Variants in RPL37 observed in about 807,000 individuals in gnomAD.
RPL37 encodes large ribosomal subunit protein eL37.
A neutral mutation model predicts 14.8 loss-of-function variants in RPL37; 1 was observed. The ratio of observed to expected loss-of-function variants is 0.07; its 90% confidence interval spans 0.02 to 0.32. The LOEUF is 0.32. Ranked by LOEUF, RPL37 falls within the 10% of genes least tolerant of loss-of-function variation. RPL37 has a pLI of 1.00. For synonymous variants in RPL37, 53 were observed against 45.8 expected (o/e 1.16, Z -0.63); for missense variants, 100 against 128.3 (o/e 0.78, Z 1.06).
At chr5:40,834,422 T>A (rs969625942) in intron 2 of RPL37, 49 bp downstream of exon 2, 1 of 1,601,716 alleles carries the variant, frequency 6.2e-7, no homozygotes, top group African/African-American at 1.3e-5. Flanking sequence ...CCCACTTAAG[T>A]GCAATACAAA....
At position 40,826,342 on chromosome 5, in the gene RPL37, T is replaced by A. The variant is rs889890862; in HGVS notation, c.*6162A>T. 2 of 152,072 alleles carry A rather than the reference T, an allele frequency of 1.3e-5. No homozygotes were observed. Among genetic ancestry groups the A allele is most frequent in the African/African-American group, 4.8e-5 (2 of 41,338 alleles). The allele number at this position is 152,072 out of a possible 1,614,324, so 9.4% of individuals were successfully genotyped here. A position where few individuals can be genotyped will look rare whatever the true frequency, so the allele number is the denominator to read the frequency against. Reference sequence around the variant, plus strand: ...GAACGTGGTCAGTTTTCAGTTTTTATCATTATTTATTATTTTATTTTTTAT... The same window carrying A: ...GAACGTGGTCAGTTTTCAGTTTTTAACATTATTTATTATTTTATTTTTTAT... On this transcript the variant is annotated 3_prime_UTR_variant, in exon 4 of 4. Coordinates refer to ENST00000274242, the MANE Select transcript of RPL37 (RefSeq NM_000997.5).
chr5:40,834,737 C>T, intron 1 of RPL37, 131 bp from the exon 2 acceptor site: 6 of 1,020,026 alleles, frequency 5.9e-6, no homozygotes, highest in Non-Finnish European at 7.1e-6. Context: ...AAGCCTCTTT[C>T]CACGAATGCC....
chr5:40,835,157 T>A, intron 1 of RPL37, 26 bp downstream of exon 1: 1 of 1,614,048 alleles, frequency 6.2e-7, no homozygotes, highest in East Asian at 2.2e-5. Context: ...GGAACGCGAT[T>A]CACAAACACC....
chr5:40,827,583 T>TA lies in RPL37; in HGVS notation c.*4920dup, dbSNP rs1388222656. 6.6e-6 allele frequency: 1 copy of TA among 152,168 alleles called. No homozygotes were observed. The highest frequency in any genetic ancestry group is 1.5e-5 in the Non-Finnish European group (1 of 68,018). The allele number at this position is 152,168 out of a possible 1,614,324, so 9.4% of individuals were successfully genotyped here. On this transcript the variant is annotated 3_prime_UTR_variant, in exon 4 of 4. Coordinates refer to ENST00000274242, the MANE Select transcript of RPL37 (RefSeq NM_000997.5). ...CTCCCACCGTATAAAGACACAAACA[T>TA]AAAAGCAATGTTTTGATCTGAATCC...
Position 40,832,350 on chromosome 5 carries a change from T to G in RPL37, c.*154A>C, listed in dbSNP as rs1745659653. The G allele has an allele frequency of 2.8e-6, 2 of 725,730 alleles. No homozygotes were observed. The highest frequency in any genetic ancestry group is 2.6e-5 in the East Asian group (1 of 39,138). The allele number at this position is 725,730 out of a possible 1,614,324, so 45.0% of individuals were successfully genotyped here. A position where few individuals can be genotyped will look rare whatever the true frequency, so the allele number is the denominator to read the frequency against. ...AAAGTAAACATTCCAAAACAGTCAC[T>G]TAACAAGTAAATCTGATATGAAGCT... is the stretch of plus-strand genomic sequence containing the variant. On this transcript the variant is annotated 3_prime_UTR_variant, in exon 4 of 4. Transcript: ENST00000274242.
In RPL37 at chr5:40,831,040, G is replaced by A. The variant is rs997031181; in HGVS notation, c.*1464C>T. ...GGCGGCGGATCACGAGGTCGAGTTC[G>A]AGACCAGCCTGGTCAACATGTTGAA... On this transcript the variant is annotated 3_prime_UTR_variant, in exon 4 of 4. Coordinates refer to ENST00000274242, the MANE Select transcript of RPL37 (RefSeq NM_000997.5). The A allele has an allele frequency of 1.3e-5, 2 of 151,854 alleles. No individual in the cohort carries two copies. Among genetic ancestry groups the A allele is most frequent in the Admixed American group, 6.6e-5 (1 of 15,244 alleles). 9.4% of individuals were successfully genotyped at this position (151,854 alleles called of 1,614,324 possible). A position where few individuals can be genotyped will look rare whatever the true frequency, so the allele number is the denominator to read the frequency against.
intron 1 of RPL37, 93 bp downstream of exon 1, chr5:40,835,090 C>T (rs911820799): frequency 3.9e-5 from 62 of 1,569,624 alleles, no homozygotes; most frequent in Non-Finnish European, 5.3e-5. Flanking sequence ...TTCCCCTTAT[C>T]CGGAATCTTG....
rs1331466204 is a variant in RPL37, at chr5:40,829,908, CACGTGAACTGCCCACCTT to C, written c.*2578_*2595del. ...CAGGCTGGTCTCGAACTCCCCACCT[CACGTGAACTGCCCACCTT>C]GGCCTCCCAAAGTGCTGCGACTATA... On this transcript the variant is annotated 3_prime_UTR_variant, in exon 4 of 4. Transcript: ENST00000274242. The C allele has an allele frequency of 6.6e-6, 1 of 152,156 alleles. No individual in the cohort carries two copies. The highest frequency in any genetic ancestry group is 6.6e-5 in the Admixed American group (1 of 15,266). 9.4% of individuals were successfully genotyped at this position (152,156 alleles called of 1,614,324 possible). A position where few individuals can be genotyped will look rare whatever the true frequency, so the allele number is the denominator to read the frequency against.
chr5:40,833,246 A>G (rs1466621136), intron 3 of RPL37, among the ~76,000 whole-genome samples: 1 of 152,152 alleles, frequency 6.6e-6, no homozygotes, highest in Non-Finnish European at 1.5e-5. Flanking sequence ...CCGGAGACTG[A>G]GTGGGTAGAG....
In RPL37 at chr5:40,831,292, C is replaced by T. The variant is rs1335583444; in HGVS notation, c.*1212G>A. Reference sequence around the variant, plus strand: ...CAAGAAAGGCAATGGCAATTGGACTCTAACCATACATCTTTAAAGTATAGT... The same window carrying T: ...CAAGAAAGGCAATGGCAATTGGACTTTAACCATACATCTTTAAAGTATAGT... On this transcript the variant is annotated 3_prime_UTR_variant, in exon 4 of 4. Transcript: ENST00000274242. 2 of 152,324 alleles carry T rather than the reference C, an allele frequency of 1.3e-5. No homozygotes were observed. Among genetic ancestry groups the T allele is most frequent in the Non-Finnish European group, 1.5e-5 (1 of 68,046 alleles). 9.4% of individuals were successfully genotyped at this position (152,324 alleles called of 1,614,324 possible).
intron 1 of RPL37, 64 bp from the exon 2 acceptor site, chr5:40,834,670 G>A (rs76811545): frequency 0.018 from 28,005 of 1,515,232 alleles, 349 homozygotes; most frequent in South Asian, 0.034. Context: ...CGAGTTCTCC[G>A]GGAAACCAAT....
rs780838417 is a variant in RPL37, at chr5:40,834,604, C to A, written c.6G>T (p.Thr2=). 2 of 1,610,156 alleles carry A rather than the reference C, an allele frequency of 1.2e-6. No individual in the cohort carries two copies. Among genetic ancestry groups the A allele is most frequent in the East Asian group, 2.2e-5 (1 of 44,862 alleles). Residue 2 remains threonine, a splice_region_variant and synonymous_variant, in exon 2 of 4, where the codon ACG becomes ACT. Transcript: ENST00000274242. The part of the protein sequence containing the change: M[T]KGTSSFGKRR... ...GCTTTCCAAACGATGACGTTCCCTTCGTCTGCACATTAAAGGAATAAATAG... is the reference window on the plus strand; with the variant it reads ...GCTTTCCAAACGATGACGTTCCCTTAGTCTGCACATTAAAGGAATAAATAG...
In RPL37 at chr5:40,834,131, GT is replaced by G. The variant is rs1201354860; in HGVS notation, c.224+49del. 7 of 1,251,248 alleles carry G rather than the reference GT, an allele frequency of 5.6e-6. No individual in the cohort carries two copies. The African/African-American group carries it at 1.0e-4, about 19-fold the overall frequency. The allele number at this position is 1,251,248 out of a possible 1,614,324, so 77.5% of individuals were successfully genotyped here. A position where few individuals can be genotyped will look rare whatever the true frequency, so the allele number is the denominator to read the frequency against. On this transcript the variant is annotated intron_variant, in intron 3 of 3. Transcript: ENST00000274242. Reference sequence around the variant, plus strand: ...TATCTTTTTACAAGTAAACACGAGGGTTTCATTCAAGCCCACTGGACCAATT... The same window carrying G: ...TATCTTTTTACAAGTAAACACGAGGGTTCATTCAAGCCCACTGGACCAATT...
chr5:40,834,714 G>A, intron 1 of RPL37, 108 bp from the exon 2 acceptor site: 2 of 1,263,908 alleles, frequency 1.6e-6, no homozygotes. Flanking sequence ...CGTAAAGATC[G>A]AAACTGCGGG....
chr5:40,835,103 A>G, intron 1 of RPL37, 80 bp downstream of exon 1: 1 of 1,594,442 alleles, frequency 6.3e-7, no homozygotes, highest in Non-Finnish European at 8.6e-7. Flanking sequence ...GAATCTTGCC[A>G]GCCCCCCAAG....
At position 40,826,992 on chromosome 5, in the gene RPL37, T is replaced by G. The variant is rs1055792294; in HGVS notation, c.*5512A>C. The stretch of plus-strand genomic sequence containing the variant: ...AGAGGTTTCACCAGGTTGCCCAGGC[T>G]GGTCTCAAACTCTTGGGCTCAAGCC... On this transcript the variant is annotated 3_prime_UTR_variant, in exon 4 of 4. Coordinates refer to ENST00000274242, the MANE Select transcript of RPL37 (RefSeq NM_000997.5). 2 of 152,258 alleles carry G rather than the reference T, an allele frequency of 1.3e-5. No homozygotes were observed. Among genetic ancestry groups the G allele is most frequent in the Non-Finnish European group, 2.9e-5 (2 of 68,092 alleles). 9.4% of individuals were successfully genotyped at this position (152,258 alleles called of 1,614,324 possible). A position where few individuals can be genotyped will look rare whatever the true frequency, so the allele number is the denominator to read the frequency against.
At position 40,826,156 on chromosome 5, in the gene RPL37, A is replaced by G. The variant is rs1745512530; in HGVS notation, c.*6348T>C. ...TATAACACTCCTCAGGAGTTCAAAT[A>G]ATTTTAATCATTTTTAAGGCAAAGA... On this transcript the variant is annotated 3_prime_UTR_variant, in exon 4 of 4. Transcript: ENST00000274242. 2 of 152,208 alleles carry G rather than the reference A, an allele frequency of 1.3e-5. No individual in the cohort carries two copies. The highest frequency in any genetic ancestry group is 2.9e-5 in the Non-Finnish European group (2 of 68,044). The allele number at this position is 152,208 out of a possible 1,614,324, so 9.4% of individuals were successfully genotyped here. A position where few individuals can be genotyped will look rare whatever the true frequency, so the allele number is the denominator to read the frequency against.
intron 3 of RPL37, chr5:40,833,969 G>A (rs1165533000): frequency 5.5e-6 from 3 of 549,094 alleles, no homozygotes; most frequent in Non-Finnish European, 9.7e-6. Context: ...ACCTGAGGCT[G>A]GGGAGACTGA....
rs1211106204 is a variant in RPL37 at position 40,826,312 on chromosome 5, T to C, written c.*6192A>G. Reference sequence around the variant, plus strand: ...ACACACACAACCCAAAGAAAACATATCCAAGAACGTGGTCAGTTTTCAGTT... The same window carrying C: ...ACACACACAACCCAAAGAAAACATACCCAAGAACGTGGTCAGTTTTCAGTT... On this transcript the variant is annotated 3_prime_UTR_variant, in exon 4 of 4. Transcript: ENST00000274242. The C allele has an allele frequency of 1.3e-5, 2 of 152,128 alleles. No homozygotes were observed. The highest frequency in any genetic ancestry group is 2.9e-5 in the Non-Finnish European group (2 of 68,016). The allele number at this position is 152,128 out of a possible 1,614,324, so 9.4% of individuals were successfully genotyped here. A position where few individuals can be genotyped will look rare whatever the true frequency, so the allele number is the denominator to read the frequency against.
Sources: allele counts gnomAD v4.1 joint callset (sites outside exome capture counted in the v4.1 genomes callset), GRCh38; gene constraint gnomAD v4.1.1; transcripts MANE v1.5; gene names NCBI Gene and HGNC (gene_info 2026-07-23, HGNC 2026-07-21).